Variants in JAKMIP1 observed in about 807,000 individuals in gnomAD.
JAKMIP1 encodes janus kinase and microtubule-interacting protein 1.
A neutral mutation model predicts 113.0 loss-of-function variants in JAKMIP1; 33 were observed. That is an observed-to-expected ratio of 0.29 (90% confidence interval 0.22 to 0.39). The LOEUF is 0.39. Ranked by LOEUF, JAKMIP1 falls within the 10% of genes least tolerant of loss-of-function variation. The pLI is 1.00. For missense variants in JAKMIP1, 813 were observed against 1,080.5 expected (o/e 0.75, Z 3.47); for synonymous variants, 480 against 459.9 (o/e 1.04, Z -0.56).
intron 1 of JAKMIP1, among the ~76,000 whole-genome samples, chr4:6,133,568 C>T (rs1718816357): frequency 6.6e-6 from 1 of 152,202 alleles, no homozygotes; most frequent in Admixed American, 6.5e-5. Context: ...AGTTTCTAGC[C>T]ATGATGTTAA....
chr4:6,096,584 T>G (rs1041131919), intron 3 of JAKMIP1, among the ~76,000 whole-genome samples: 1 of 152,234 alleles, frequency 6.6e-6, no homozygotes, highest in African/African-American at 2.4e-5. Flanking sequence ...GGACATTGCT[T>G]TTAATCCTGT....
At chr4:6,030,249 G>A (rs1299318028) in intron 19 of JAKMIP1, among the ~76,000 whole-genome samples, 4 of 152,060 alleles carry the variant, frequency 2.6e-5, no homozygotes, top group Non-Finnish European at 4.4e-5. Flanking sequence ...GATGGGGGGA[G>A]GGAGGGAGAA....
rs1189240031 is a variant in JAKMIP1, at chr4:6,097,155, C to G, written c.624+8318G>C. On this transcript the variant is annotated intron_variant, in intron 3 of 20. Transcript: ENST00000409021. This position sits in a 1 kb window ranked among gnomAD's most constrained non-coding sequence, Gnocchi z 4.3. ...TAGCTGGGACTACAGGGGTATGCCA[C>G]CATGTCCGGCTAATTTTTAAATTTT... 3.3e-5 allele frequency among the ~76,000 whole-genome samples: 5 copies of G among 152,108 alleles called. No individual in the cohort carries two copies. Among genetic ancestry groups the G allele is most frequent in the African/African-American group, 1.2e-4 (5 of 41,414 alleles).
At chr4:6,146,798 G>A (rs1450487886) in intron 1 of JAKMIP1, among the ~76,000 whole-genome samples, 2 of 152,190 alleles carry the variant, frequency 1.3e-5, no homozygotes. Flanking sequence ...TGGTGGAACA[G>A]GATTTGAACT....
rs1722554308 is a variant in JAKMIP1 at position 6,158,705 on chromosome 4, A to G, written c.-148+41548T>C. Among the ~76,000 whole-genome samples, 1 of 152,108 alleles carries G rather than the reference A, an allele frequency of 6.6e-6. No individual in the cohort carries two copies. The highest frequency in any genetic ancestry group is 2.4e-5 in the African/African-American group (1 of 41,410). ...TTAGGAAAGAAAATTTGGTTTGAAA[A>G]TTTATTGGATAAAAATAGGGCAATT... On this transcript the variant is annotated intron_variant, in intron 1 of 20. Transcript: ENST00000409021. This position sits in a 1 kb window ranked among gnomAD's most constrained non-coding sequence, Gnocchi z 5.3.
intron 1 of JAKMIP1, among the ~76,000 whole-genome samples, chr4:6,160,934 A>T (rs527819958): frequency 2.4e-5 from 3 of 124,080 alleles, no homozygotes; most frequent in African/African-American, 6.7e-5. Flanking sequence ...CACCTCCCCG[A>T]TCTCCACTTA....
rs372387087 is a variant in JAKMIP1 at position 6,152,967 on chromosome 4, G to A, written c.-147-39970C>T. Among the ~76,000 whole-genome samples, 146 of 151,018 alleles carry A rather than the reference G, an allele frequency of 9.7e-4. 2 individuals carry two copies. In the South Asian group the frequency reaches 0.027, roughly 28 times the overall value. ...CCCTGGGCAACAAGAGTGAGACTCC[G>A]TCTCAAAAAAACAAAAAGAAGTGGG... On this transcript the variant is annotated intron_variant, in intron 1 of 20. Coordinates refer to ENST00000409021, the MANE Select transcript of JAKMIP1 (RefSeq NM_001099433.2).
intron 8 of JAKMIP1, among the ~76,000 whole-genome samples, chr4:6,074,155 G>T (rs958964486): frequency 1.3e-5 from 2 of 152,252 alleles, no homozygotes; most frequent in African/African-American, 4.8e-5. Context: ...CTGTTGGATA[G>T]GCCCAGTAAG....
chr4:6,062,290 C>T (rs1717404909), intron 10 of JAKMIP1, 22 bp downstream of exon 10: 1 of 1,611,354 alleles, frequency 6.2e-7, no homozygotes, highest in Non-Finnish European at 8.5e-7. Context: ...CTCCCTCGAG[C>T]CCTGAGGCTG....
At position 6,032,888 on chromosome 4, in the gene JAKMIP1, T is replaced by G. The variant is rs73071571; in HGVS notation, c.2379+3016A>C. Among the ~76,000 whole-genome samples, 1,312 of 152,098 alleles carry G rather than the reference T, an allele frequency of 8.6e-3. 23 individuals are homozygous for G. Among genetic ancestry groups the G allele is most frequent in the African/African-American group, 0.03 (1,244 of 41,482 alleles). On this transcript the variant is annotated intron_variant, in intron 19 of 20. Transcript: ENST00000409021. Reference sequence around the variant, plus strand: ...GCGGGGGTGCTGTGGTGGTGCTCTGTGTTAGGAAGGCTTCGGCAGAGAAAG... The same window carrying G: ...GCGGGGGTGCTGTGGTGGTGCTCTGGGTTAGGAAGGCTTCGGCAGAGAAAG...
Position 6,105,907 on chromosome 4 carries a change from G to A in JAKMIP1, c.190C>T (p.Arg64Trp). The A allele has an allele frequency of 6.2e-7, 1 of 1,611,306 alleles. No homozygotes were observed. Among genetic ancestry groups the A allele is most frequent in the Non-Finnish European group, 8.5e-7 (1 of 1,179,526 alleles). The change falls in exon 3 of 21, where the codon CGG (arginine) becomes TGG (tryptophan). Residue 64 changes from arginine (R) to tryptophan (W), a missense_variant. Physicochemically the swap from Arg to Trp is moderately radical, Grantham distance 101 (BLOSUM62 -3). This residue lies in a region of JAKMIP1 where 540 missense variants were observed against 653.9 expected (regional missense o/e 0.83). Coordinates refer to ENST00000409021, the MANE Select transcript of JAKMIP1 (RefSeq NM_001099433.2). Reference protein sequence around the residue: ...AKLEREQEQRRHTAYISELKA... With the variant: ...AKLEREQEQRWHTAYISELKA... ...AGCTCCGAAATGTAGGCCGTGTGCCGTCGCTGCTCCTGCTCGCGCTCCAGC... is the reference window on the plus strand; with the variant it reads ...AGCTCCGAAATGTAGGCCGTGTGCCATCGCTGCTCCTGCTCGCGCTCCAGC...
At chr4:6,029,131 C>G (rs1311088648) in intron 20 of JAKMIP1, among the ~76,000 whole-genome samples, 1 of 152,240 alleles carries the variant, frequency 6.6e-6, no homozygotes, top group Non-Finnish European at 1.5e-5. Context: ...GAGAACCCAG[C>G]CATCCCTTCC....
At chr4:6,169,924 TCTA>T (rs1431627692) in intron 1 of JAKMIP1, among the ~76,000 whole-genome samples, 1 of 150,482 alleles carries the variant, frequency 6.6e-6, no homozygotes, top group Non-Finnish European at 1.5e-5. Flanking sequence ...TTTAAGTTTT[TCTA>T]CCACCACCGA....
chr4:6,102,965 A>G (rs61507462), intron 3 of JAKMIP1, among the ~76,000 whole-genome samples: 5 of 150,356 alleles, frequency 3.3e-5, no homozygotes, highest in Non-Finnish European at 7.4e-5. Flanking sequence ...AATCTCCTAA[A>G]CTCGTGATCT....
At chr4:6,043,001 G>A (rs892749904) in intron 16 of JAKMIP1, among the ~76,000 whole-genome samples, 4 of 152,016 alleles carry the variant, frequency 2.6e-5, no homozygotes, top group Non-Finnish European at 4.4e-5. Flanking sequence ...GGTGTCATAC[G>A]TGGATGTGCC....
chr4:6,042,236 C>G lies in JAKMIP1; in HGVS notation c.2029-9G>C, dbSNP rs1257812412. On this transcript the variant is annotated splice_polypyrimidine_tract_variant and intron_variant, in intron 16 of 20. Coordinates refer to ENST00000409021, the MANE Select transcript of JAKMIP1 (RefSeq NM_001099433.2). The surrounding 1 kb of genome is among the most constrained non-coding windows in gnomAD (Gnocchi z 5.2). ...TCTATTTGCTTCAGCCACTAGAAAA[C>G]AGCAGGGACAGGACGGGTGCAGCAA... The G allele has an allele frequency of 1.9e-6, 3 of 1,612,582 alleles. No individual in the cohort carries two copies. The highest frequency in any genetic ancestry group is 2.5e-6 in the Non-Finnish European group (3 of 1,178,792).
chr4:6,162,100 C>T lies in JAKMIP1; in HGVS notation c.-148+38153G>A, dbSNP rs543809247. ...AGCTCAGGCTCAGCCATGTCTGGGA[C>T]GGGGTAGATTATGGGCCAGACGGGG... On this transcript the variant is annotated intron_variant, in intron 1 of 20. Coordinates refer to ENST00000409021, the MANE Select transcript of JAKMIP1 (RefSeq NM_001099433.2). The surrounding 1 kb of genome is among the most constrained non-coding windows in gnomAD (Gnocchi z 5.6). Among the ~76,000 whole-genome samples, 13 of 148,018 alleles carry T rather than the reference C, an allele frequency of 8.8e-5. No homozygotes were observed. The highest frequency in any genetic ancestry group is 1.5e-4 in the Non-Finnish European group (10 of 67,980).
chr4:6,128,949 G>C (rs555204909), intron 1 of JAKMIP1, among the ~76,000 whole-genome samples: 1 of 152,178 alleles, frequency 6.6e-6, no homozygotes, highest in Non-Finnish European at 1.5e-5. Flanking sequence ...TGCCTTGCCC[G>C]GCCCCTGGCC....
At chr4:6,114,104 T>C (rs1388178102) in intron 1 of JAKMIP1, among the ~76,000 whole-genome samples, 1 of 152,196 alleles carries the variant, frequency 6.6e-6, no homozygotes, top group Non-Finnish European at 1.5e-5. Flanking sequence ...TGAAGTCAGC[T>C]ACCTAAATCC....
Sources: gnomAD v4.1 joint callset for allele counts (sites outside exome capture counted in the v4.1 genomes callset) on GRCh38, gnomAD v4.1.1 for gene constraint, gnomAD v4.1.1 regional missense constraint, Gnocchi (gnomAD v3.1) non-coding constraint, MANE v1.5 for transcripts, NCBI Gene and HGNC (gene_info 2026-07-23, HGNC 2026-07-21) for gene names.